CARS2: variants seen among roughly 807,000 people sequenced by gnomAD.
The protein encoded by CARS2 is probable cysteine--tRNA ligase, mitochondrial.
In CARS2, 52 loss-of-function variants were observed where a neutral mutation model predicts 68.8. That is an observed-to-expected ratio of 0.76 (90% confidence interval 0.61 to 0.95). The LOEUF is 0.95. Ranked by LOEUF, CARS2 falls within the 40% of genes least tolerant of loss-of-function variation. The pLI is 0.00. For missense variants in CARS2, 780 were observed against 754.2 expected, an observed-to-expected ratio of 1.03 and a Z score of -0.40; for synonymous variants, 314 against 303.6, an observed-to-expected ratio of 1.03 and a Z score of -0.36.
intron 7 of CARS2, 106 bp from the exon 8 acceptor site, chr13:110,667,579 G>A: frequency 2.0e-6 from 2 of 999,468 alleles, no homozygotes; most frequent in Non-Finnish European, 2.9e-6. Flanking sequence ...ATGAATAAAT[G>A]GATCTCAGTT....
At chr13:110,643,175 G>A in intron 13 of CARS2, 1 of 204,724 alleles carries the variant, frequency 4.9e-6, no homozygotes, top group Non-Finnish European at 1.0e-5. Context: ...AGAAATATGA[G>A]CCCAGAGTGG....
rs1369416015 is a variant in CARS2, at chr13:110,712,609, T to C, written n.399+528A>G. The C allele has an allele frequency of 7.1e-6, 3 of 421,384 alleles. No individual in the cohort carries two copies. The East Asian group carries it at 1.5e-4, about 21-fold the overall frequency. 26.1% of individuals were successfully genotyped at this position (421,384 alleles called of 1,614,324 possible). On this transcript the variant is annotated intron_variant and non_coding_transcript_variant, in intron 1 of 2. Coordinates refer to the CARS2 transcript ENST00000485188. The stretch of plus-strand genomic sequence containing the variant: ...TCCAGGCTTCTCAGAAAGCCCAAAA[T>C]CCGGGAGCTTTGGGAGGGTAGAGGG...
At chr13:110,661,883 T>C (rs1017541420) in intron 9 of CARS2, among the ~76,000 whole-genome samples, 1 of 152,204 alleles carries the variant, frequency 6.6e-6, no homozygotes, top group African/African-American at 2.4e-5. Flanking sequence ...CTGTCTTCCA[T>C]GGATGTGGTT....
chr13:110,682,982 C>T (rs2063200577), intron 6 of CARS2, 69 bp downstream of exon 6: 3 of 1,082,238 alleles, frequency 2.8e-6, no homozygotes, highest in Admixed American at 5.0e-5. Context: ...CGCTCCAGAT[C>T]TCATCTCCCC....
At chr13:110,659,476 CCCT>C (rs1212313746) in intron 9 of CARS2, among the ~76,000 whole-genome samples, 2 of 148,346 alleles carry the variant, frequency 1.3e-5, no homozygotes, top group Non-Finnish European at 3.0e-5. Context: ...ACTTGCCTGC[CCCT>C]CCTCAAGCCC....
At position 110,651,019 on chromosome 13, in the gene CARS2, G is replaced by C. The variant is rs201352308; in HGVS notation, c.1054+15C>G. 9 of 1,601,724 alleles carry C rather than the reference G, an allele frequency of 5.6e-6. No homozygotes were observed. The Admixed American group carries it at 1.0e-4, about 18-fold the overall frequency. ...GAGCTGGGGGGGGAGTCCACTCCAC[G>C]TGTGCTCGGCTCACCTGAGCGGTAG... is the stretch of plus-strand genomic sequence containing the variant. On this transcript the variant is annotated intron_variant, in intron 10 of 14. Transcript: ENST00000257347.
In CARS2 at chr13:110,676,749, C is replaced by T. The variant is rs2062962011; in HGVS notation, c.785+225G>A. Among the ~76,000 whole-genome samples the T allele has an allele frequency of 6.6e-6, 1 of 152,128 alleles. No individual in the cohort carries two copies. ...GCAAGTGTGAACCAAAAAGCAGCCT[C>T]TCCACTAAACAGAGGAAGTGCTGAG... is the stretch of plus-strand genomic sequence containing the variant. On this transcript the variant is annotated intron_variant, in intron 7 of 14. Transcript: ENST00000257347. This position sits in a 1 kb window ranked among gnomAD's most constrained non-coding sequence, Gnocchi z 4.0.
Position 110,705,520 on chromosome 13 carries a change from C to T in CARS2, c.275+1G>A. 6.9e-6 allele frequency: 11 copies of T among 1,592,040 alleles called. No individual in the cohort carries two copies. The highest frequency in any genetic ancestry group is 9.4e-6 in the Non-Finnish European group (11 of 1,168,908). ...TGAAAATTCAAATCCAGGAAACTCA[C>T]CAAGCATGGCCAAGGTGCGCATGAT... On this transcript the variant is annotated splice_donor_variant, in intron 2 of 14. Coordinates refer to ENST00000257347, the MANE Select transcript of CARS2 (RefSeq NM_024537.4). LOFTEE classifies it high-confidence loss of function. This position sits in a 1 kb window ranked among gnomAD's most constrained non-coding sequence, Gnocchi z 4.0.
rs544912541 is a variant in CARS2, at chr13:110,668,550, A to AC, written c.786-1078_786-1077insG. On this transcript the variant is annotated intron_variant, in intron 7 of 14. Coordinates refer to ENST00000257347, the MANE Select transcript of CARS2 (RefSeq NM_024537.4). This position sits in a 1 kb window ranked among gnomAD's most constrained non-coding sequence, Gnocchi z 4.1. Reference sequence around the variant, plus strand: ...GAGCGAGACTCCGTCTCAAAAAAAAAAAAAGATTTTTACATCTTAGTGACG... The same window carrying AC: ...GAGCGAGACTCCGTCTCAAAAAAAAACAAAAGATTTTTACATCTTAGTGACG... Among the ~76,000 whole-genome samples, 39 of 152,120 alleles carry AC rather than the reference A, an allele frequency of 2.6e-4. No individual in the cohort carries two copies. The East Asian group carries it at 7.2e-3, about 28-fold the overall frequency.
At chr13:110,686,197 T>C (rs1193974888) in intron 5 of CARS2, among the ~76,000 whole-genome samples, 3 of 151,456 alleles carry the variant, frequency 2.0e-5, no homozygotes, top group Non-Finnish European at 4.4e-5. Context: ...CAGAGATGCA[T>C]GTTGAAGTGT....
chr13:110,694,884 A>T (rs1194591124), intron 3 of CARS2, among the ~76,000 whole-genome samples: 1 of 152,208 alleles, frequency 6.6e-6, no homozygotes, highest in Non-Finnish European at 1.5e-5. Flanking sequence ...GAAGAAACCC[A>T]ATGTCCAACG....
intron 10 of CARS2, chr13:110,649,028 C>T (rs2062126293): frequency 6.6e-6 from 1 of 152,284 alleles, no homozygotes; most frequent in Admixed American, 6.5e-5. Context: ...GGATTCATCT[C>T]CGCCGCCTCT....
intron 3 of CARS2, among the ~76,000 whole-genome samples, chr13:110,700,772 C>G (rs2063761474): frequency 6.6e-6 from 1 of 152,214 alleles, no homozygotes; most frequent in Non-Finnish European, 1.5e-5. Context: ...TACGTCCAAT[C>G]AGTGGGTCTG....
At chr13:110,671,891 C>CA (rs1446520331) in intron 7 of CARS2, among the ~76,000 whole-genome samples, 12 of 151,470 alleles carry the variant, frequency 7.9e-5, no homozygotes, top group Admixed American at 1.3e-4. Flanking sequence ...AAAAGGAAAA[C>CA]AAAAAAAAGC....
chr13:110,642,462 C>T lies in CARS2; in HGVS notation c.1476G>A (p.Arg492=), dbSNP rs1004975550. The T allele has an allele frequency of 1.3e-5, 21 of 1,609,664 alleles. No individual in the cohort carries two copies. The highest frequency in any genetic ancestry group is 1.7e-5 in the Non-Finnish European group (20 of 1,178,472). Residue 492 remains arginine, a synonymous_variant, in exon 14 of 15, where the codon CGG becomes CGA. Transcript: ENST00000257347. ...CAAACTGCCGGACCTTCTGCCGGAA[C>T]CGCACCAGCTCGTCCACCACACCAT... ...TLHGVVDELV[R]FRQKVRQFAL... is the part of the protein sequence containing the mutation.
At chr13:110,712,955 G>C in intron 1 of CARS2, 2 of 1,560,266 alleles carry the variant, frequency 1.3e-6, no homozygotes, top group Non-Finnish European at 1.7e-6. Context: ...GCTGCTGGGA[G>C]TGGTGGTCCG....
chr13:110,700,404 C>G (rs1048771285), intron 3 of CARS2, among the ~76,000 whole-genome samples: 1 of 152,172 alleles, frequency 6.6e-6, no homozygotes, highest in South Asian at 2.1e-4. Context: ...GTGCGGGCCT[C>G]GAGAGCCAGT....
At chr13:110,667,277 C>T (rs560523375) in intron 8 of CARS2, 63 bp downstream of exon 8, 32 of 1,441,960 alleles carry the variant, frequency 2.2e-5, no homozygotes, top group South Asian at 7.8e-5. Flanking sequence ...GTAGCTGTTC[C>T]GCCGACAAAG....
intron 3 of CARS2, chr13:110,698,113 T>C (rs559614433): frequency 2.6e-6 from 1 of 382,470 alleles, no homozygotes; most frequent in African/African-American, 2.1e-5. Flanking sequence ...AAAAGGAAGA[T>C]GCATGGGTGT....
Sources: gnomAD v4.1 joint callset for allele counts (sites outside exome capture counted in the v4.1 genomes callset) on GRCh38, gnomAD v4.1.1 for gene constraint, Gnocchi (gnomAD v3.1) non-coding constraint, MANE v1.5 for transcripts, NCBI Gene and HGNC (gene_info 2026-07-23, HGNC 2026-07-21) for gene names.